RASAL3: variants seen among roughly 807,000 people sequenced by gnomAD.
RASAL3 encodes RAS protein activator like-3.
Under a neutral mutation model 105.5 loss-of-function variants are expected in RASAL3, and 74 were observed. That is an observed-to-expected ratio of 0.70 (90% CI 0.58 to 0.85). The LOEUF (loss-of-function observed/expected upper bound fraction) is 0.85, where lower values mean the gene tolerates loss of function less well. Among genes scored for constraint, RASAL3 ranks in the 40% least tolerant of loss-of-function variants. The pLI, the probability that RASAL3 is intolerant of heterozygous loss-of-function variation, is 0.00. For missense variants in RASAL3, 1,352 were observed against 1,392.0 expected, an observed-to-expected ratio of 0.97 and a Z score of 0.46; for synonymous variants, 579 against 591.6, an observed-to-expected ratio of 0.98 and a Z score of 0.31.
intron 16 of RASAL3, 168 bp from the exon 17 acceptor site, chr19:15,452,276 G>A (rs1030409911): frequency 3.0e-6 from 2 of 670,886 alleles, no homozygotes; most frequent in Non-Finnish European, 5.3e-6. Context: ...GACCAGAGAC[G>A]GGAATGGTTG....
At chr19:15,463,951 G>T in intron 2 of RASAL3, 80 bp downstream of exon 2, 1 of 1,318,736 alleles carries the variant, frequency 7.6e-7, no homozygotes, top group Non-Finnish European at 1.0e-6. Context: ...TGTCTGTATG[G>T]TTGATGCTCC....
At position 15,458,582 on chromosome 19, in the gene RASAL3, C is replaced by T; in HGVS notation, c.736G>A (p.Val246Met). ...CTGGGGTGCAGTGGCCAGATCCGCA[C>T]ATCCCGCTCGGCACCCAGGTCCAGT... ...SELDLGAERD[V>M]RIWPLHPSLL... The change falls in exon 7 of 18, where the codon GTG becomes ATG. Residue 246 changes from valine (V) to methionine (M), a missense_variant. Physicochemically the swap from Val to Met is conservative, Grantham distance 21. This residue lies in a region of RASAL3 where 344 missense variants were observed against 339.6 expected (regional missense o/e 1.01). Coordinates refer to ENST00000343625, the MANE Select transcript of RASAL3 (RefSeq NM_022904.3). 4 of 1,613,634 alleles carry T rather than the reference C, an allele frequency of 2.5e-6. No homozygotes were observed. The highest frequency in any genetic ancestry group is 3.4e-6 in the Non-Finnish European group (4 of 1,179,760).
chr19:15,453,504 G>T lies in RASAL3; in HGVS notation c.2280-7C>A, dbSNP rs1970225327. ...CTTCTCCCCTGCGGAGAGGCTAGGGGTGGGATGGAGGATCTTAGACCCTCC... is the reference window on the plus strand; with the variant it reads ...CTTCTCCCCTGCGGAGAGGCTAGGGTTGGGATGGAGGATCTTAGACCCTCC... On this transcript the variant is annotated splice_polypyrimidine_tract_variant and splice_region_variant and intron_variant, in intron 14 of 17. Coordinates refer to ENST00000343625, the MANE Select transcript of RASAL3 (RefSeq NM_022904.3). The surrounding 1 kb of genome is among the most constrained non-coding windows in gnomAD (Gnocchi z 4.2). The T allele has an allele frequency of 6.6e-7, 1 of 1,515,830 alleles. No individual in the cohort carries two copies. Among genetic ancestry groups the T allele is most frequent in the Non-Finnish European group, 8.8e-7 (1 of 1,140,816 alleles). 93.9% of individuals were successfully genotyped at this position (1,515,830 alleles called of 1,614,324 possible).
intron 8 of RASAL3, 172 bp from the exon 9 acceptor site, chr19:15,458,006 GTCT>G (rs1970382823): frequency 1.3e-5 from 10 of 755,330 alleles, no homozygotes; most frequent in Non-Finnish European, 2.1e-5. Context: ...TTACGCGGAA[GTCT>G]TCTAGCTTTT....
chr19:15,454,989 G>T (rs1399475610), intron 11 of RASAL3, 96 bp from the exon 12 acceptor site: 16 of 893,156 alleles, frequency 1.8e-5, no homozygotes, highest in Non-Finnish European at 2.7e-5. Flanking sequence ...CTGCATGATT[G>T]GTCCATGATC....
chr19:15,463,312 C>T (rs573903179), intron 2 of RASAL3, among the ~76,000 whole-genome samples: 2 of 151,930 alleles, frequency 1.3e-5, no homozygotes, highest in East Asian at 2.0e-4. Flanking sequence ...AGGCTGGTCT[C>T]GAACTCCTGA....
Position 15,464,160 on chromosome 19 carries a change from A to C in RASAL3, c.199T>G (p.Phe67Val). The C allele has an allele frequency of 6.2e-7, 1 of 1,613,358 alleles. No individual in the cohort carries two copies. Among genetic ancestry groups the C allele is most frequent in the Non-Finnish European group, 8.5e-7 (1 of 1,179,792 alleles). ...GGAGGCGCAGATAGGACCCGACGGA[A>C]TATCGAGCGAGGGGCTGGCTGGGTG... ...VSTQPAPRSIFRRVLSAPPKE... is the reference protein window; with the variant it reads ...VSTQPAPRSIVRRVLSAPPKE... The change falls in exon 2 of 18, where the codon TTC becomes GTC. Residue 67 changes from phenylalanine to valine, a missense_variant. By Grantham distance (50) the Phe-to-Val change is conservative (BLOSUM62 -1). Transcript: ENST00000343625.
chr19:15,461,067 T>C lies in RASAL3; in HGVS notation c.599A>G (p.Asn200Ser). Residue 200 changes from asparagine to serine, a missense_variant, in exon 5 of 18, where the codon AAC (asparagine) becomes AGC (serine). Physicochemically the swap from Asn to Ser is conservative, Grantham distance 46. Around this residue, in one of 3 missense-constraint regions of RASAL3, gnomAD observed 344 missense variants for 339.6 expected, o/e 1.01. Coordinates refer to ENST00000343625, the MANE Select transcript of RASAL3 (RefSeq NM_022904.3). ...PETAGPNQVH[N>S]VRGLLKRLKE... ...CTTCACTGGCTGCCTTACCCGAACG[T>C]TGTGGACCTGGTTGGGACCAGCAGT... 1 of 1,613,896 alleles carries C rather than the reference T, an allele frequency of 6.2e-7. No homozygotes were observed. Among genetic ancestry groups the C allele is most frequent in the East Asian group, 2.2e-5 (1 of 44,886 alleles).
chr19:15,454,594 C>T (rs1235021041), intron 12 of RASAL3, 32 bp from the exon 13 acceptor site: 2 of 1,612,632 alleles, frequency 1.2e-6, no homozygotes, highest in Non-Finnish European at 1.7e-6. Flanking sequence ...TGGGTCAGGT[C>T]AGGCACCTGC....
In RASAL3 at chr19:15,461,488, G is replaced by C; in HGVS notation, c.448C>G (p.Leu150Val). The C allele has an allele frequency of 3.9e-6, 6 of 1,547,252 alleles. No homozygotes were observed. The highest frequency in any genetic ancestry group is 5.2e-6 in the Non-Finnish European group (6 of 1,145,860). The change falls in exon 3 of 18, where the codon CTT becomes GTT. Residue 150 changes from leucine (L) to valine (V), a missense_variant. Physicochemically the swap from Leu to Val is conservative, Grantham distance 32 (BLOSUM62 1). This residue lies in a region of RASAL3 where 344 missense variants were observed against 339.6 expected (regional missense o/e 1.01). Transcript: ENST00000343625. ...CCTCTCACCTCCTCCTCTCCTCCAA[G>C]CAGCACCAGCTTCCCATCAAGCAGG... ...FTLLDGKLVL[L>V]GGEEEGPRRP...
rs1398927140 is a variant in RASAL3, at chr19:15,457,326, A to G, written c.1397T>C (p.Met466Thr). 8.8e-6 allele frequency: 12 copies of G among 1,358,726 alleles called. No individual in the cohort carries two copies. The highest frequency in any genetic ancestry group is 3.1e-5 in the African/African-American group (2 of 64,232). The allele number at this position is 1,358,726 out of a possible 1,614,324, so 84.2% of individuals were successfully genotyped here. Residue 466 changes from methionine (M) to threonine (T), a missense_variant, in exon 9 of 18, where the codon ATG becomes ACG. Transcript: ENST00000343625. The surrounding 1 kb of genome is among the most constrained non-coding windows in gnomAD (Gnocchi z 8.6). ...AQAKEELAAA[M>T]VRVLRATGRA... is the part of the protein sequence containing the mutation. ...GCCGGTGGCCCGCAGCACGCGCACC[A>G]TGGCTGCCGCCAGCTCCTCCTTGGC...
chr19:15,462,868 G>A (rs943195010), intron 2 of RASAL3, among the ~76,000 whole-genome samples: 4 of 150,886 alleles, frequency 2.7e-5, no homozygotes, highest in African/African-American at 9.7e-5. Flanking sequence ...GGAGAATGGC[G>A]TGAACCCAGG....
rs1222065174 is a variant in RASAL3 at position 15,453,656 on chromosome 19, C to T, written c.2280-159G>A. On this transcript the variant is annotated intron_variant, in intron 14 of 17. Transcript: ENST00000343625. The surrounding 1 kb of genome is among the most constrained non-coding windows in gnomAD (Gnocchi z 4.2). The stretch of plus-strand genomic sequence containing the variant: ...TGTCGCCCAGGCTGGAGTGCAGTGG[C>T]TAGATCATAGCTCACTGCAGCCTTG... 2.0e-5 allele frequency among the ~76,000 whole-genome samples: 3 copies of T among 151,812 alleles called. No individual in the cohort carries two copies. Among genetic ancestry groups the T allele is most frequent in the African/African-American group, 7.3e-5 (3 of 41,304 alleles).
Position 15,452,645 on chromosome 19 carries a change from GGGCTGGGCTCACCCAGCACGGAGCCTGGA to G in RASAL3, c.2812_2828+12del, listed in dbSNP as rs1309964788. ...CACCTGGGGGCGGAGCTAATGGAGAGGGCTGGGCTCACCCAGCACGGAGCCTGGAGTCCAGATCCTGCAGCTGGCCCCGC... is the reference window on the plus strand; with the variant it reads ...CACCTGGGGGCGGAGCTAATGGAGAGGTCCAGATCCTGCAGCTGGCCCCGC... On this transcript the variant is annotated splice_donor_variant and splice_donor_5th_base_variant and coding_sequence_variant and intron_variant, in exon 16 of 18. Transcript: ENST00000343625. LOFTEE classifies it high-confidence loss of function. 2.0e-6 allele frequency: 3 copies of G among 1,534,866 alleles called. No individual in the cohort carries two copies. The highest frequency in any genetic ancestry group is 2.6e-6 in the Non-Finnish European group (3 of 1,138,812).
rs1461870814 is a variant in RASAL3 at position 15,464,131 on chromosome 19, C to T, written c.228G>A (p.Lys76=). 1.2e-6 allele frequency: 2 copies of T among 1,613,610 alleles called. No homozygotes were observed. The highest frequency in any genetic ancestry group is 2.2e-5 in the South Asian group (2 of 91,030). The change falls in exon 2 of 18, where the codon AAG becomes AAA. Residue 76 remains lysine, a synonymous_variant. Transcript: ENST00000343625. ...IFRRVLSAPP[K]ESRTSRLRLS... ...GTCGAAGGCGACTGGTCCGTGACTC[C>T]TTGGGAGGCGCAGATAGGACCCGAC...
chr19:15,451,734 C>T lies in RASAL3; in HGVS notation c.*61G>A, dbSNP rs933080802. ...GTAGGGCTAAGGCAAAGTCAGACAC[C>T]CCCCCTAAGATGGCTATCTCTCTGC... On this transcript the variant is annotated 3_prime_UTR_variant, in exon 18 of 18. Transcript: ENST00000343625. 2.0e-6 allele frequency: 3 copies of T among 1,532,166 alleles called. No homozygotes were observed. The highest frequency in any genetic ancestry group is 2.5e-4 in the Middle Eastern group (1 of 4,048). The allele number at this position is 1,532,166 out of a possible 1,614,324, so 94.9% of individuals were successfully genotyped here.
In RASAL3 at chr19:15,457,811, T is replaced by A. The variant is rs1018391784; in HGVS notation, c.912A>T (p.Thr304=). 1.9e-6 allele frequency: 3 copies of A among 1,548,240 alleles called. No homozygotes were observed. Residue 304 remains threonine, a synonymous_variant, in exon 9 of 18, where the codon ACA becomes ACT. Coordinates refer to ENST00000343625, the MANE Select transcript of RASAL3 (RefSeq NM_022904.3). This position sits in a 1 kb window ranked among gnomAD's most constrained non-coding sequence, Gnocchi z 8.6. ...PTQDNVEREE[T]WLSVWVHEAK... ...CTTCGTGCACCCACACGCTCAGCCATGTCTCTTCCCGCTCCACGTTGTCCT... is the reference window on the plus strand; with the variant it reads ...CTTCGTGCACCCACACGCTCAGCCAAGTCTCTTCCCGCTCCACGTTGTCCT...
chr19:15,458,455 A>C lies in RASAL3; in HGVS notation c.790-29T>G, dbSNP rs140459934. ...TTGGGATGGAGAATCCAACGGTGTGATCGAGGCCAAGGGTGAAGCCAAAGG... is the reference window on the plus strand; with the variant it reads ...TTGGGATGGAGAATCCAACGGTGTGCTCGAGGCCAAGGGTGAAGCCAAAGG... On this transcript the variant is annotated intron_variant, in intron 7 of 17. Coordinates refer to ENST00000343625, the MANE Select transcript of RASAL3 (RefSeq NM_022904.3). The C allele has an allele frequency of 2.5e-5, 40 of 1,613,472 alleles. 1 individual carries two copies. The African/African-American group carries it at 2.8e-4, about 11-fold the overall frequency.
intron 2 of RASAL3, among the ~76,000 whole-genome samples, chr19:15,462,992 A>G (rs1970558052): frequency 6.6e-6 from 1 of 152,086 alleles, no homozygotes; most frequent in Admixed American, 6.5e-5. Context: ...GGCTAGTGTT[A>G]CATTCCTGAG....
Sources: allele counts gnomAD v4.1 joint callset (sites outside exome capture counted in the v4.1 genomes callset), GRCh38; gene constraint gnomAD v4.1.1; regional missense constraint gnomAD v4.1.1; non-coding constraint Gnocchi (gnomAD v3.1); transcripts MANE v1.5; gene names NCBI Gene and HGNC (gene_info 2026-07-23, HGNC 2026-07-21).